Variants in CSMD1 observed in about 807,000 individuals in gnomAD.
The protein encoded by CSMD1 is CUB and Sushi multiple domains 1.
CSMD1 carries 213 observed loss-of-function variants against 417.5 expected under a neutral mutation model. The ratio of observed to expected loss-of-function variants is 0.51; its 90% CI spans 0.46 to 0.57. The LOEUF (loss-of-function observed/expected upper bound fraction) is 0.57. CSMD1 is among the 20% of genes least tolerant of loss of function. The probability of loss-of-function intolerance (pLI) is 0.00; values close to 1 mark genes in which losing one functional copy is unlikely to be tolerated. For missense variants in CSMD1, 6,923 were observed against 4,529.7 expected (o/e 1.53, Z -15.17); for synonymous variants, 2,862 against 1,736.8 (o/e 1.65, Z -16.11).
At chr8:4,889,590 AAAAT>A (rs1803972824) in intron 1 of CSMD1, among the ~76,000 whole-genome samples, 1 of 152,132 alleles carries the variant, frequency 6.6e-6, no homozygotes, top group Non-Finnish European at 1.5e-5. Context: ...AAATGTCAAA[AAAAT>A]AGAAAAAAAA....
At chr8:4,466,710 T>C (rs1800191792) in intron 2 of CSMD1, among the ~76,000 whole-genome samples, 1 of 152,170 alleles carries the variant, frequency 6.6e-6, no homozygotes. Flanking sequence ...TTTAAAAATT[T>C]TAAAATGGTG....
chr8:4,691,775 A>T (rs1806784107), intron 1 of CSMD1, among the ~76,000 whole-genome samples: 1 of 152,226 alleles, frequency 6.6e-6, no homozygotes, highest in Non-Finnish European at 1.5e-5. Flanking sequence ...GTGGAATGCT[A>T]AATTTTAACC....
intron 49 of CSMD1, among the ~76,000 whole-genome samples, chr8:3,080,918 C>T (rs990700026): frequency 7.2e-5 from 11 of 151,926 alleles, no homozygotes; most frequent in Admixed American, 2.0e-4. Context: ...AAATATGATG[C>T]GTCTACAATG....
intron 3 of CSMD1, among the ~76,000 whole-genome samples, chr8:4,115,622 C>G (rs1284709133): frequency 6.6e-6 from 1 of 152,116 alleles, no homozygotes; most frequent in African/African-American, 2.4e-5. Flanking sequence ...TGATCAAACT[C>G]CACACTTACC....
chr8:3,558,774 G>GTGT (rs1799336738), intron 10 of CSMD1, among the ~76,000 whole-genome samples: 1 of 150,280 alleles, frequency 6.7e-6, no homozygotes, highest in Non-Finnish European at 1.5e-5. Context: ...ATAGTACCCC[G>GTGT]CGTCCACTCC....
At chr8:2,963,880 T>C (rs1372121959) in intron 59 of CSMD1, among the ~76,000 whole-genome samples, 2 of 152,182 alleles carry the variant, frequency 1.3e-5, no homozygotes, top group Non-Finnish European at 2.9e-5. Flanking sequence ...TTTTTAGAAA[T>C]GCCTGAATGG....
chr8:3,366,544 A>G (rs1375344800), intron 20 of CSMD1, among the ~76,000 whole-genome samples: 2 of 152,210 alleles, frequency 1.3e-5, no homozygotes, highest in South Asian at 2.1e-4. Context: ...GTCATTGCAT[A>G]TGAATATATT....
chr8:3,179,884 C>A (rs772465617), intron 37 of CSMD1, among the ~76,000 whole-genome samples: 2 of 152,162 alleles, frequency 1.3e-5, no homozygotes, highest in African/African-American at 4.8e-5. Context: ...AACTTGCAGA[C>A]AAATGCCCAT....
rs188085895 is a variant in CSMD1 at position 4,193,775 on chromosome 8, G to C, written c.416-161676C>G. 3.3e-5 allele frequency among the ~76,000 whole-genome samples: 5 copies of C among 152,130 alleles called. No individual in the cohort carries two copies. In the East Asian group the frequency reaches 7.7e-4, roughly 24 times the overall value. ...ATTTTGGCTGGCAAGTTATGGAATC[G>C]GACAGGGATGACATCGAAGGATGCT... On this transcript the variant is annotated intron_variant, in intron 3 of 69. Coordinates refer to ENST00000635120, the MANE Select transcript of CSMD1 (RefSeq NM_033225.6).
At chr8:3,023,516 T>C (rs1809613052) in intron 51 of CSMD1, among the ~76,000 whole-genome samples, 1 of 152,182 alleles carries the variant, frequency 6.6e-6, no homozygotes, top group Admixed American at 6.5e-5. Flanking sequence ...TCTTATTGTT[T>C]CTTGAAGGAC....
At chr8:4,910,738 G>C (rs951741297) in intron 1 of CSMD1, among the ~76,000 whole-genome samples, 14 of 152,156 alleles carry the variant, frequency 9.2e-5, no homozygotes, top group African/African-American at 3.1e-4. Context: ...AAATAATAAA[G>C]CACATAATTA....
chr8:4,902,613 A>C (rs575639256), intron 1 of CSMD1, among the ~76,000 whole-genome samples: 7 of 152,220 alleles, frequency 4.6e-5, no homozygotes, highest in Non-Finnish European at 1.0e-4. Flanking sequence ...TGACCATTGT[A>C]ATATTTTGAT....
chr8:4,478,073 T>C (rs971160185), intron 2 of CSMD1, among the ~76,000 whole-genome samples: 2 of 152,174 alleles, frequency 1.3e-5, no homozygotes, highest in Non-Finnish European at 2.9e-5. Flanking sequence ...AAACTGATTT[T>C]AACCTGTTTT....
At chr8:3,912,035 T>G (rs1390271669) in intron 5 of CSMD1, among the ~76,000 whole-genome samples, 1 of 152,102 alleles carries the variant, frequency 6.6e-6, no homozygotes, top group African/African-American at 2.4e-5. Context: ...ACATATGGAG[T>G]ATATTTTCTT....
chr8:4,209,048 C>G (rs890613821), intron 3 of CSMD1, among the ~76,000 whole-genome samples: 1 of 152,172 alleles, frequency 6.6e-6, no homozygotes, highest in African/African-American at 2.4e-5. Context: ...CTGTCTCTGA[C>G]TTCTTGCTTC....
At chr8:3,239,656 G>T (rs199900323) in intron 26 of CSMD1, among the ~76,000 whole-genome samples, 2 of 152,210 alleles carry the variant, frequency 1.3e-5, no homozygotes, top group East Asian at 3.9e-4. Context: ...TTCTATGATG[G>T]AAAGGAAATG....
At chr8:4,115,024 G>A (rs534326154) in intron 3 of CSMD1, among the ~76,000 whole-genome samples, 2 of 152,290 alleles carry the variant, frequency 1.3e-5, no homozygotes, top group African/African-American at 2.4e-5. Flanking sequence ...GCAGAAGCAT[G>A]GTTTGAAAGA....
chr8:3,972,510 T>C (rs1465075118), intron 5 of CSMD1, among the ~76,000 whole-genome samples: 3 of 152,238 alleles, frequency 2.0e-5, no homozygotes, highest in African/African-American at 7.2e-5. Flanking sequence ...TCTGTCATTC[T>C]TTAGGAATAT....
At chr8:4,017,836 G>T (rs981000620) in intron 4 of CSMD1, among the ~76,000 whole-genome samples, 3 of 152,076 alleles carry the variant, frequency 2.0e-5, no homozygotes, top group African/African-American at 7.3e-5. Flanking sequence ...AGCTGTTTGG[G>T]TGACTGTATA....
Sources: gnomAD v4.1 joint callset for allele counts (sites outside exome capture counted in the v4.1 genomes callset) on GRCh38, gnomAD v4.1.1 for gene constraint, MANE v1.5 for transcripts, NCBI Gene and HGNC (gene_info 2026-07-23, HGNC 2026-07-21) for gene names.